The following AFG1L variants were observed in gnomAD, a reference collection of about 807,000 sequenced individuals.
AFG1L encodes AFG1 like ATPase.
A neutral mutation model predicts 62.2 loss-of-function variants in AFG1L; 53 were observed. The observed-to-expected ratio is 0.85, with a 90% confidence interval of 0.68 to 1.07. The LOEUF (loss-of-function observed/expected upper bound fraction) is 1.07. Ranked by LOEUF, AFG1L falls within the 50% of genes least tolerant of loss-of-function variation. The probability of loss-of-function intolerance (pLI) is 0.00; values close to 1 mark genes in which losing one functional copy is unlikely to be tolerated. For missense variants in AFG1L, 555 were observed against 590.5 expected (o/e 0.94, Z 0.62); for synonymous variants, 228 against 210.3 (o/e 1.08, Z -0.73).
chr6:108,436,610 A>G (rs1771323369), intron 7 of AFG1L, among the ~76,000 whole-genome samples: 1 of 152,166 alleles, frequency 6.6e-6, no homozygotes, highest in African/African-American at 2.4e-5. Context: ...CAACAAGCCC[A>G]TGTGAATCTT....
chr6:108,442,036 ATATATT>A (rs1386666578), intron 7 of AFG1L, among the ~76,000 whole-genome samples: 2 of 152,096 alleles, frequency 1.3e-5, no homozygotes. Context: ...AACCTGGCAA[ATATATT>A]TATATGACTG....
intron 8 of AFG1L, among the ~76,000 whole-genome samples, chr6:108,461,885 G>A (rs148621868): frequency 2.2e-4 from 33 of 152,190 alleles, no homozygotes; most frequent in African/African-American, 7.5e-4. Context: ...ACGAGGGCAG[G>A]AGATCAAGAC....
chr6:108,499,364 C>A (rs1032433876), intron 10 of AFG1L, among the ~76,000 whole-genome samples: 3 of 151,908 alleles, frequency 2.0e-5, no homozygotes, highest in Non-Finnish European at 2.9e-5. Context: ...CCACCATGCC[C>A]AGCCCATAAA....
At chr6:108,360,318 G>A (rs2114476710) in intron 5 of AFG1L, among the ~76,000 whole-genome samples, 1 of 152,200 alleles carries the variant, frequency 6.6e-6, no homozygotes, top group Non-Finnish European at 1.5e-5. Flanking sequence ...GTTAGTAGTT[G>A]GGTATTATAC....
intron 7 of AFG1L, among the ~76,000 whole-genome samples, chr6:108,438,997 C>G (rs1431299976): frequency 6.6e-6 from 1 of 152,264 alleles, no homozygotes; most frequent in Middle Eastern, 3.4e-3. Context: ...CAAGGAAGAA[C>G]TCAGCCCTGA....
intron 1 of AFG1L, among the ~76,000 whole-genome samples, chr6:108,310,430 T>G (rs1191207259): frequency 6.6e-6 from 1 of 152,224 alleles, no homozygotes; most frequent in African/African-American, 2.4e-5. Context: ...AAATGTCTAC[T>G]TAAATCCTTT....
chr6:108,454,980 C>T (rs1772197441), intron 8 of AFG1L, among the ~76,000 whole-genome samples: 1 of 152,128 alleles, frequency 6.6e-6, no homozygotes, highest in Non-Finnish European at 1.5e-5. Context: ...GAATTTCTGT[C>T]TCTGGCAATC....
chr6:108,354,375 T>G (rs923300914), intron 3 of AFG1L, among the ~76,000 whole-genome samples: 1 of 151,920 alleles, frequency 6.6e-6, no homozygotes, highest in Non-Finnish European at 1.5e-5. Flanking sequence ...AGTGGCACGA[T>G]CTCACTGCAA....
chr6:108,465,378 A>G (rs533616841), intron 8 of AFG1L, among the ~76,000 whole-genome samples: 1 of 152,302 alleles, frequency 6.6e-6, no homozygotes, highest in South Asian at 2.1e-4. Flanking sequence ...AATTATGTTT[A>G]CAGTTTGAGT....
intron 7 of AFG1L, among the ~76,000 whole-genome samples, chr6:108,408,082 C>T (rs1036282571): frequency 3.4e-5 from 5 of 149,208 alleles, no homozygotes; most frequent in Admixed American, 3.3e-4. Context: ...TTTATTTTGG[C>T]AAGTGGTTAA....
chr6:108,408,231 C>T (rs1246238325), intron 7 of AFG1L, among the ~76,000 whole-genome samples: 2 of 151,120 alleles, frequency 1.3e-5, no homozygotes, highest in African/African-American at 2.4e-5. Flanking sequence ...TGTAGATTAG[C>T]CATTATTCCA....
intron 6 of AFG1L, among the ~76,000 whole-genome samples, chr6:108,380,043 A>G (rs1780429661): frequency 6.6e-6 from 1 of 151,972 alleles, no homozygotes; most frequent in South Asian, 2.1e-4. Flanking sequence ...GTGCACCAAG[A>G]TCTTTACACA....
At chr6:108,378,305 TG>T (rs1302695916) in intron 6 of AFG1L, among the ~76,000 whole-genome samples, 2 of 151,906 alleles carry the variant, frequency 1.3e-5, no homozygotes, top group African/African-American at 4.8e-5. Context: ...GCTTTGAAGT[TG>T]TTTTTTTGTT....
chr6:108,357,645 T>C (rs1296212212), intron 5 of AFG1L, among the ~76,000 whole-genome samples: 1 of 152,258 alleles, frequency 6.6e-6, no homozygotes, highest in African/African-American at 2.4e-5. Flanking sequence ...ATTCATCTCA[T>C]TTAAGCCTCA....
At chr6:108,457,972 C>T (rs1772317161) in intron 8 of AFG1L, among the ~76,000 whole-genome samples, 2 of 151,064 alleles carry the variant, frequency 1.3e-5, no homozygotes, top group South Asian at 4.2e-4. Context: ...ATGTTGCTTT[C>T]TTCTCTTCTG....
intron 3 of AFG1L, among the ~76,000 whole-genome samples, chr6:108,350,655 C>CAAAATGAATGA (rs1779045504): frequency 6.6e-6 from 1 of 152,234 alleles, no homozygotes; most frequent in African/African-American, 2.4e-5. Context: ...TCATACCCTA[C>CAAAATGAATGA]AGCTGGCTTT....
At chr6:108,424,719 A>G (rs1173959556) in intron 7 of AFG1L, among the ~76,000 whole-genome samples, 1 of 152,136 alleles carries the variant, frequency 6.6e-6, no homozygotes, top group South Asian at 2.1e-4. Flanking sequence ...ATTGCAATAT[A>G]TTAAATTAAA....
chr6:108,355,599 C>T (rs928520801), intron 3 of AFG1L, 55 bp from the exon 4 acceptor site: 2 of 854,754 alleles, frequency 2.3e-6, no homozygotes, highest in African/African-American at 3.6e-5. Flanking sequence ...ACAATCATTA[C>T]AGCAATCAGT....
chr6:108,467,717 G>A (rs1252067859), intron 8 of AFG1L, among the ~76,000 whole-genome samples: 1 of 152,044 alleles, frequency 6.6e-6, no homozygotes, highest in Non-Finnish European at 1.5e-5. Flanking sequence ...TTATTATACT[G>A]TTATTTTACA....
Sources: gnomAD v4.1 joint callset for allele counts (sites outside exome capture counted in the v4.1 genomes callset) on GRCh38, gnomAD v4.1.1 for gene constraint, MANE v1.5 for transcripts, NCBI Gene and HGNC (gene_info 2026-07-23, HGNC 2026-07-21) for gene names.